DUSP22: variants seen among roughly 807,000 people sequenced by gnomAD.
The protein encoded by DUSP22 is dual specificity protein phosphatase 22.
DUSP22 carries 24 observed loss-of-function variants against 24.5 expected under a neutral mutation model. The observed-to-expected ratio is 0.98, with a 90% CI of 0.71 to 1.38. The LOEUF is 1.38. Ranked by LOEUF, DUSP22 falls within the 40% of genes most tolerant of loss-of-function variation. The probability of loss-of-function intolerance (pLI) is 0.00; values close to 1 mark genes in which losing one functional copy is unlikely to be tolerated. For synonymous variants in DUSP22, 160 were observed against 106.4 expected (o/e 1.50, Z -3.10); for missense variants, 330 against 269.2 (o/e 1.23, Z -1.58).
chr6:334,109 A>G (rs1163788890), intron 3 of DUSP22, among the ~76,000 whole-genome samples: 3 of 152,306 alleles, frequency 2.0e-5, no homozygotes, highest in Non-Finnish European at 2.9e-5. Flanking sequence ...TTGTAACTCC[A>G]TCTTCTGAGA....
chr6:304,255 G>A (rs983568618), intron 1 of DUSP22, among the ~76,000 whole-genome samples: 2 of 152,308 alleles, frequency 1.3e-5, no homozygotes, highest in Non-Finnish European at 2.9e-5. Flanking sequence ...GTAACCGCCT[G>A]CAGTGGGCAC....
intron 3 of DUSP22, among the ~76,000 whole-genome samples, chr6:319,743 G>C (rs1424424938): frequency 1.3e-5 from 2 of 152,300 alleles, no homozygotes; most frequent in African/African-American, 2.4e-5. Context: ...ATGGTTTTCA[G>C]ATTGACAGTT....
chr6:295,630 A>AC (rs1270872463), intron 1 of DUSP22, among the ~76,000 whole-genome samples: 219 of 150,646 alleles, frequency 1.5e-3, no homozygotes, highest in African/African-American at 5.1e-3. Flanking sequence ...CAAAAAAAAA[A>AC]CCCACAAAAA....
Position 350,040 on chromosome 6 carries a change from C to T in DUSP22, c.*1089C>T, listed in dbSNP as rs1216479387. ...CAATTTGCATTTTAAAATGCCTGAG[C>T]ATTTATTAAGCTTCTTGGTATTCAC... On this transcript the variant is annotated 3_prime_UTR_variant, in exon 7 of 7. Coordinates refer to ENST00000419235, the MANE Select transcript of DUSP22 (RefSeq NM_001286555.3). 2.0e-6 allele frequency: 2 copies of T among 985,546 alleles called. No homozygotes were observed. Among genetic ancestry groups the T allele is most frequent in the East Asian group, 2.3e-4 (2 of 8,834 alleles). The allele number at this position is 985,546 out of a possible 1,614,324, so 61.1% of individuals were successfully genotyped here. A position where few individuals can be genotyped will look rare whatever the true frequency, so the allele number is the denominator to read the frequency against.
chr6:349,265 G>A lies in DUSP22; in HGVS notation c.*314G>A, dbSNP rs1426810908. ...TAAGTGGATGCATGTGTGTGCCTGT[G>A]TGAGTGAGGGTATGTGCACCTAAGT... On this transcript the variant is annotated 3_prime_UTR_variant, in exon 7 of 7. Coordinates refer to ENST00000419235, the MANE Select transcript of DUSP22 (RefSeq NM_001286555.3). 4.5e-6 allele frequency: 6 copies of A among 1,322,004 alleles called. No homozygotes were observed. The highest frequency in any genetic ancestry group is 3.4e-5 in the Admixed American group (1 of 29,798). The allele number at this position is 1,322,004 out of a possible 1,614,324, so 81.9% of individuals were successfully genotyped here.
At chr6:307,676 G>A (rs979841369) in intron 2 of DUSP22, among the ~76,000 whole-genome samples, 10 of 152,300 alleles carry the variant, frequency 6.6e-5, no homozygotes, top group South Asian at 2.1e-4. Flanking sequence ...ACCAGCGACA[G>A]TAGATGTCAG....
intron 1 of DUSP22, among the ~76,000 whole-genome samples, chr6:294,065 A>G (rs1224287445): frequency 6.6e-6 from 1 of 152,284 alleles, no homozygotes; most frequent in African/African-American, 2.4e-5. Flanking sequence ...CGTTTTCAGC[A>G]TTTAATTTAT....
chr6:322,168 A>G (rs1309698686), intron 3 of DUSP22, among the ~76,000 whole-genome samples: 1 of 152,302 alleles, frequency 6.6e-6, no homozygotes, highest in Non-Finnish European at 1.5e-5. Context: ...TCATCTACAT[A>G]GTGTATCTAA....
rs545708410 is a variant in DUSP22 at position 350,872 on chromosome 6, A to G, written c.*1921A>G. 2 of 1,614,242 alleles carry G rather than the reference A, an allele frequency of 1.2e-6. No individual in the cohort carries two copies. Among genetic ancestry groups the G allele is most frequent in the African/African-American group, 2.7e-5 (2 of 75,086 alleles). On this transcript the variant is annotated 3_prime_UTR_variant, in exon 7 of 7. Transcript: ENST00000419235. ...GGCCTTTCTCAGAAGACTGTAATGT[A>G]CCTGAAGTTTCTGAAATATTGCAAA... is the stretch of plus-strand genomic sequence containing the variant.
Position 348,091 on chromosome 6 carries a change from T to C in DUSP22, c.264-12T>C. ...AACTGCCCTCACACATGTGCTTCTC[T>C]TGGCCCCGCAGCCTGGCCGGGGTCT... On this transcript the variant is annotated splice_polypyrimidine_tract_variant and intron_variant, in intron 5 of 6. Coordinates refer to ENST00000419235, the MANE Select transcript of DUSP22 (RefSeq NM_001286555.3). 3 of 1,613,940 alleles carry C rather than the reference T, an allele frequency of 1.9e-6. No individual in the cohort carries two copies. Among genetic ancestry groups the C allele is most frequent in the Non-Finnish European group, 2.5e-6 (3 of 1,179,820 alleles).
chr6:317,019 A>G (rs1310171602), intron 3 of DUSP22, among the ~76,000 whole-genome samples: 1 of 152,306 alleles, frequency 6.6e-6, no homozygotes, highest in Non-Finnish European at 1.5e-5. Context: ...ATATGCAGAC[A>G]TTTATTCTTG....
At chr6:324,778 C>T (rs888200346) in intron 3 of DUSP22, among the ~76,000 whole-genome samples, 29 of 152,290 alleles carry the variant, frequency 1.9e-4, no homozygotes, top group Non-Finnish European at 2.9e-4. Flanking sequence ...TTCCTAGATG[C>T]TGCAGATTGT....
chr6:333,246 C>T (rs539584643), intron 3 of DUSP22, among the ~76,000 whole-genome samples: 31 of 152,412 alleles, frequency 2.0e-4, no homozygotes, highest in Admixed American at 4.6e-4. Context: ...GAAGCTGCTG[C>T]CTCACTTTCC....
In DUSP22 at chr6:335,166, A is replaced by G; in HGVS notation, c.188+3A>G. 6.2e-7 allele frequency: 1 copy of G among 1,613,668 alleles called. No individual in the cohort carries two copies. Among genetic ancestry groups the G allele is most frequent in the Non-Finnish European group, 8.5e-7 (1 of 1,179,520 alleles). Reference sequence around the variant, plus strand: ...GCGGATTCACCATCTCAAAACCTGTAAGTTTCTTATTTCTGTATTATTTGG... The same window carrying G: ...GCGGATTCACCATCTCAAAACCTGTGAGTTTCTTATTTCTGTATTATTTGG... On this transcript the variant is annotated splice_donor_region_variant and intron_variant, in intron 4 of 6. Transcript: ENST00000419235.
In DUSP22 at chr6:348,764, T is replaced by G. The variant is rs781421065; in HGVS notation, c.436-5T>G. 7.4e-6 allele frequency: 12 copies of G among 1,614,286 alleles called. No individual in the cohort carries two copies. Among genetic ancestry groups the G allele is most frequent in the Non-Finnish European group, 1.0e-5 (12 of 1,180,044 alleles). On this transcript the variant is annotated splice_polypyrimidine_tract_variant and splice_region_variant and intron_variant, in intron 6 of 6. Transcript: ENST00000419235. Reference sequence around the variant, plus strand: ...ACGTTTCGGGTTTGTTTCCATCCTCTCCAGTATCGGCAGTGGCTGAAGGAA... The same window carrying G: ...ACGTTTCGGGTTTGTTTCCATCCTCGCCAGTATCGGCAGTGGCTGAAGGAA...
chr6:315,168 G>A (rs2757552), intron 3 of DUSP22, among the ~76,000 whole-genome samples: 151,858 of 152,428 alleles, frequency 1, 75,644 homozygotes, highest in Non-Finnish European at 1. Flanking sequence ...GTAGCTAAGG[G>A]GTAGACCTTC....
intron 3 of DUSP22, among the ~76,000 whole-genome samples, chr6:312,272 C>T (rs1408891982): frequency 1.3e-5 from 2 of 152,308 alleles, no homozygotes; most frequent in African/African-American, 4.8e-5. Context: ...ATTTTCATTC[C>T]TTTCAGAATT....
intron 5 of DUSP22, 130 bp downstream of exon 5, chr6:346,058 G>A (rs529969607): frequency 1.6e-4 from 190 of 1,171,976 alleles, no homozygotes; most frequent in African/African-American, 1.4e-3. Context: ...ACTCTCAAAC[G>A]CGTGCTCCAT....
intron 2 of DUSP22, among the ~76,000 whole-genome samples, chr6:308,504 C>A (rs529611738): frequency 6.6e-6 from 1 of 152,292 alleles, no homozygotes; most frequent in African/African-American, 2.4e-5. Context: ...ACGGTGCTAG[C>A]GTGCGGTGAG....
Sources: gnomAD v4.1 joint callset for allele counts (sites outside exome capture counted in the v4.1 genomes callset) on GRCh38, gnomAD v4.1.1 for gene constraint, MANE v1.5 for transcripts, NCBI Gene and HGNC (gene_info 2026-07-23, HGNC 2026-07-21) for gene names.